The following CDK11A variants were observed in gnomAD, a reference collection of about 807,000 sequenced individuals.
The protein encoded by CDK11A is cyclin-dependent kinase 11A.
A neutral mutation model predicts 83.6 loss-of-function variants in CDK11A; 55 were observed. The ratio of observed to expected loss-of-function variants is 0.66; its 90% CI spans 0.53 to 0.82. CDK11A has a LOEUF of 0.82. Among genes scored for constraint, CDK11A ranks in the 40% least tolerant of loss-of-function variants. The pLI, the probability that CDK11A is intolerant of heterozygous loss-of-function variation, is 0.00. For synonymous variants in CDK11A, 247 were observed against 302.7 expected, an observed-to-expected ratio of 0.82 and a Z score of 1.91; for missense variants, 564 against 810.1, an observed-to-expected ratio of 0.70 and a Z score of 3.69.
intron 6 of CDK11A, among the ~76,000 whole-genome samples, chr1:1,710,700 C>T (rs1034119572): frequency 1.3e-5 from 2 of 150,738 alleles, no homozygotes; most frequent in African/African-American, 2.4e-5. Flanking sequence ...TGTCTTAAAC[C>T]TTCAGTTCCT....
chr1:1,703,622 C>G lies in CDK11A; in HGVS notation c.1914G>C (p.Glu638Asp). The G allele has an allele frequency of 6.3e-7, 1 of 1,595,150 alleles. No individual in the cohort carries two copies. Among genetic ancestry groups the G allele is most frequent in the Non-Finnish European group, 8.5e-7 (1 of 1,172,378 alleles). ...EIDQINKVFK[E>D]LGTPSEKIWP... ...AGATTTTCTCACTGGGGGTCCCCAG[C>G]TCCTGAAAGACAGAGGTGCTTCAAC... is the stretch of plus-strand genomic sequence containing the variant. Residue 638 changes from glutamate to aspartate, a missense_variant and splice_region_variant, in exon 18 of 20, where the codon GAG (glutamate) becomes GAC (aspartate). Around this residue, in one of 5 missense-constraint regions of CDK11A, gnomAD observed 361 missense variants for 402.7 expected, o/e 0.90. Transcript: ENST00000404249.
At position 1,716,800 on chromosome 1, in the gene CDK11A, G is replaced by T. The variant is rs1365367608; in HGVS notation, c.356-322C>A. Among the ~76,000 whole-genome samples, 2 of 90,686 alleles carry T rather than the reference G, an allele frequency of 2.2e-5. 1 individual carries two copies. The allele number at this position is 90,686 out of a possible 152,430, so 59.5% of individuals were successfully genotyped here. ...ACTGCACTCCAGCCTGGGCGAAAAA[G>T]TGAGACTCCATCTCAAAAAAAAAAA... On this transcript the variant is annotated intron_variant, in intron 4 of 19. Transcript: ENST00000404249.
In CDK11A at chr1:1,721,681, G is replaced by A; in HGVS notation, c.142C>T (p.Leu48Phe). The A allele has an allele frequency of 6.3e-7, 1 of 1,594,798 alleles. No homozygotes were observed. The highest frequency in any genetic ancestry group is 1.3e-5 in the African/African-American group (1 of 74,440). ...TGATCTCTCAGCTCCCCCTCCTCAA[G>A]GGAATCCCGCTTGGAATCCCGGTCA... Reference protein sequence around the residue: ...SDDRDSKRDSLEEGELRDHCM... With the variant: ...SDDRDSKRDSFEEGELRDHCM... Residue 48 changes from leucine (L) to phenylalanine (F), a missense_variant, in exon 3 of 20, where the codon CTT (leucine) becomes TTT (phenylalanine). This residue lies in a region of CDK11A where 151 missense variants were observed against 147.4 expected (regional missense o/e 1.02). Coordinates refer to ENST00000404249, the MANE Select transcript of CDK11A (RefSeq NM_024011.4).
intron 2 of CDK11A, 76 bp from the exon 3 acceptor site, chr1:1,721,787 T>A: frequency 7.1e-7 from 1 of 1,412,930 alleles, no homozygotes; most frequent in Non-Finnish European, 9.6e-7. Context: ...TTTTTAATGA[T>A]AATCAAACCT....
intron 9 of CDK11A, among the ~76,000 whole-genome samples, chr1:1,708,522 T>G (rs1644408100): frequency 8.2e-6 from 1 of 122,324 alleles, no homozygotes; most frequent in Middle Eastern, 4.2e-3. Flanking sequence ...ACACCTGTAC[T>G]CCCAGCTACT....
chr1:1,718,911 C>T (rs1422986081), intron 4 of CDK11A, among the ~76,000 whole-genome samples: 1 of 150,680 alleles, frequency 6.6e-6, no homozygotes, highest in Non-Finnish European at 1.5e-5. Flanking sequence ...GCTGGGATTA[C>T]AGGCTTGAGC....
In CDK11A at chr1:1,712,897, T is replaced by G. The variant is rs564119942; in HGVS notation, c.489-497A>C. Among the ~76,000 whole-genome samples, 160 of 43,896 alleles carry G rather than the reference T, an allele frequency of 3.6e-3. 40 individuals are homozygous for G. The highest frequency in any genetic ancestry group is 5.9e-3 in the African/African-American group (153 of 25,794). 28.8% of individuals were successfully genotyped at this position (43,896 alleles called of 152,430 possible). On this transcript the variant is annotated intron_variant, in intron 5 of 19. Transcript: ENST00000404249. ...GCTTCATGGATTTTGGGCTCTGTGG[T>G]TAGATGCATTCACATGTATCATTGC...
chr1:1,704,372 A>G, intron 14 of CDK11A, 28 bp from the exon 15 acceptor site: 1 of 1,605,166 alleles, frequency 6.2e-7, no homozygotes, highest in South Asian at 1.1e-5. Flanking sequence ...TCCCATGTGG[A>G]CCCGGCCGCC....
Position 1,703,210 on chromosome 1 carries a change from T to G in CDK11A, c.2120A>C (p.Tyr707Ser). The change falls in exon 19 of 20, where the codon TAT becomes TCT. Residue 707 changes from tyrosine to serine, a missense_variant. This residue lies in a region of CDK11A where 361 missense variants were observed against 402.7 expected (regional missense o/e 0.90). Transcript: ENST00000404249. ...ISAEDGLKHE[Y>S]FRETPLPIDP... ...GATGGGGAGGGGGGTCTCGCGGAAA[T>G]ACTCATGCTTGAGGCCGTCCTCAGC... The G allele has an allele frequency of 2.3e-6, 1 of 435,024 alleles. No individual in the cohort carries two copies. The highest frequency in any genetic ancestry group is 3.8e-6 in the Non-Finnish European group (1 of 263,948). The allele number at this position is 435,024 out of a possible 1,614,324, so 26.9% of individuals were successfully genotyped here.
intron 11 of CDK11A, 76 bp downstream of exon 11, chr1:1,707,333 C>T (rs982378006): frequency 1.4e-6 from 2 of 1,465,932 alleles, no homozygotes; most frequent in Non-Finnish European, 1.8e-6. Context: ...AACACGGGGG[C>T]CAGGCTTCGC....
intron 4 of CDK11A, among the ~76,000 whole-genome samples, chr1:1,718,530 C>A (rs577699400): frequency 6.7e-6 from 1 of 150,110 alleles, no homozygotes; most frequent in East Asian, 2.0e-4. Context: ...CTAGAGTTTG[C>A]TCTCTCTGGT....
rs199942750 is a variant in CDK11A, at chr1:1,708,855, TTCCTCC to T, written c.936_941del (p.Glu320_Glu321del). 4,781 of 1,186,312 alleles carry T rather than the reference TTCCTCC, an allele frequency of 4.0e-3. 28 individuals carry two copies. In the African/African-American group the frequency reaches 0.061, roughly 15 times the overall value. The allele number at this position is 1,186,312 out of a possible 1,614,324, so 73.5% of individuals were successfully genotyped here. A position where few individuals can be genotyped will look rare whatever the true frequency, so the allele number is the denominator to read the frequency against. On this transcript the variant is annotated inframe_deletion, in exon 9 of 20. Coordinates refer to ENST00000404249, the MANE Select transcript of CDK11A (RefSeq NM_024011.4). ...CGGTCTCCTCCTCCTCCTCTTCCTCTTCCTCCTCCTCCTCCTCTGATTCTTCACTGG... is the reference window on the plus strand; with the variant it reads ...CGGTCTCCTCCTCCTCCTCTTCCTCTTCCTCCTCCTCTGATTCTTCACTGG...
chr1:1,704,960 G>A lies in CDK11A; in HGVS notation c.1402C>T (p.Leu468=). Residue 468 remains leucine (L), a synonymous_variant, in exon 13 of 20, where the codon CTG becomes TTG. Coordinates refer to ENST00000404249, the MANE Select transcript of CDK11A (RefSeq NM_024011.4). The stretch of plus-strand genomic sequence containing the variant: ...TTGAGGATGGTGTTGATCTCCCTCA[G>A]GGACGTGATCGGGAAGCCCTCCTTC... ...KEKEGFPITS[L]REINTILKAQ... 6.3e-7 allele frequency: 1 copy of A among 1,598,348 alleles called. No individual in the cohort carries two copies.
chr1:1,703,583 A>C lies in CDK11A; in HGVS notation c.1953T>G (p.Ser651Arg), dbSNP rs867481320. The C allele has an allele frequency of 3.1e-5, 48 of 1,567,466 alleles. 1 individual carries two copies. Among genetic ancestry groups the C allele is most frequent in the Non-Finnish European group, 3.5e-5 (41 of 1,161,672 alleles). Residue 651 changes from serine (S) to arginine (R), a missense_variant, in exon 18 of 20, where the codon AGT becomes AGG. Around this residue, in one of 5 missense-constraint regions of CDK11A, gnomAD observed 361 missense variants for 402.7 expected, o/e 0.90. Coordinates refer to ENST00000404249, the MANE Select transcript of CDK11A (RefSeq NM_024011.4). ...TCATCTTTTTGACTACTGGGAGCTCACTGTAGCCGGGCCAGATTTTCTCAC... is the reference window on the plus strand; with the variant it reads ...TCATCTTTTTGACTACTGGGAGCTCCCTGTAGCCGGGCCAGATTTTCTCAC... ...TPSEKIWPGY[S>R]ELPVVKKMTF...
In CDK11A at chr1:1,705,974, G is replaced by A. The variant is rs1280831354; in HGVS notation, c.1246-242C>T. ...AAAGGCCATCCCAGCCAGGTGCAAG[G>A]GCTCAGGCCTGTAATTCCAGCACTT... On this transcript the variant is annotated intron_variant, in intron 11 of 19. Coordinates refer to ENST00000404249, the MANE Select transcript of CDK11A (RefSeq NM_024011.4). Among the ~76,000 whole-genome samples, 2 of 150,018 alleles carry A rather than the reference G, an allele frequency of 1.3e-5. 1 individual carries two copies. Among genetic ancestry groups the A allele is most frequent in the African/African-American group, 4.9e-5 (2 of 40,572 alleles).
At chr1:1,704,826 C>T (rs1307512661) in intron 13 of CDK11A, 78 bp downstream of exon 13, 9 of 1,603,524 alleles carry the variant, frequency 5.6e-6, no homozygotes, top group Non-Finnish European at 7.7e-6. Context: ...GTGTAGGAAG[C>T]ACCCGGCCCC....
chr1:1,704,485 C>A, intron 14 of CDK11A, 65 bp downstream of exon 14: 2 of 1,563,016 alleles, frequency 1.3e-6, no homozygotes, highest in Non-Finnish European at 8.7e-7. Context: ...AGCACTGTCA[C>A]CGCGGGGGTG....
At position 1,704,674 on chromosome 1, in the gene CDK11A, T is replaced by G. The variant is rs772722049; in HGVS notation, c.1459-19A>C. On this transcript the variant is annotated intron_variant, in intron 13 of 19. Coordinates refer to ENST00000404249, the MANE Select transcript of CDK11A (RefSeq NM_024011.4). The stretch of plus-strand genomic sequence containing the variant: ...CAATCTCCTGCAGGGCACGGCTCTG[T>G]GGGTGCTGGGCACCTCCAGGCCCCC... 1.3e-6 allele frequency: 2 copies of G among 1,595,944 alleles called. No individual in the cohort carries two copies. Among genetic ancestry groups the G allele is most frequent in the Non-Finnish European group, 1.7e-6 (2 of 1,170,242 alleles).
chr1:1,715,769 C>T lies in CDK11A; in HGVS notation c.488+577G>A, dbSNP rs1475216371. Among the ~76,000 whole-genome samples the T allele has an allele frequency of 2.0e-5, 3 of 151,334 alleles. No homozygotes were observed. The Admixed American group carries it at 2.0e-4, about 10-fold the overall frequency. ...CGGAGATGGGCCTGCTCGCACCTGG[C>T]CTACAGCCTTTTTCCTGGTTCACAG... On this transcript the variant is annotated intron_variant, in intron 5 of 19. Transcript: ENST00000404249.
Sources: gnomAD v4.1 joint callset for allele counts (sites outside exome capture counted in the v4.1 genomes callset) on GRCh38, gnomAD v4.1.1 for gene constraint, gnomAD v4.1.1 regional missense constraint, MANE v1.5 for transcripts, NCBI Gene and HGNC (gene_info 2026-07-23, HGNC 2026-07-21) for gene names.